Variants in XRCC4 observed in about 807,000 individuals in gnomAD.
The protein encoded by XRCC4 is X-ray repair cross complementing 4.
Under a neutral mutation model 39.1 loss-of-function variants are expected in XRCC4, and 28 were observed. That is an observed-to-expected ratio of 0.72 (90% CI 0.53 to 0.98). XRCC4 has a LOEUF of 0.98. Among genes scored for constraint, XRCC4 ranks in the 50% least tolerant of loss-of-function variants. The pLI, the probability that XRCC4 is intolerant of heterozygous loss-of-function variation, is 0.00. For synonymous variants in XRCC4, 123 were observed against 126.4 expected (o/e 0.97, Z 0.18); for missense variants, 350 against 376.4 (o/e 0.93, Z 0.58).
intron 3 of XRCC4, among the ~76,000 whole-genome samples, chr5:83,171,614 A>G (rs1299862332): frequency 6.6e-6 from 1 of 152,144 alleles, no homozygotes; most frequent in Non-Finnish European, 1.5e-5. Flanking sequence ...TGCTCTCTGT[A>G]TTTTGCCATT....
intron 6 of XRCC4, among the ~76,000 whole-genome samples, chr5:83,247,180 A>T (rs1205260038): frequency 1.3e-5 from 2 of 152,222 alleles, no homozygotes; most frequent in Admixed American, 6.5e-5. Flanking sequence ...ATGAACAAGT[A>T]TGCATAATTC....
chr5:83,331,437 C>A (rs988120958), intron 7 of XRCC4, among the ~76,000 whole-genome samples: 4 of 152,064 alleles, frequency 2.6e-5, no homozygotes, highest in Admixed American at 2.6e-4. Flanking sequence ...CTCTTACACA[C>A]TGCTAAAGGG....
At chr5:83,147,750 A>G (rs539459391) in intron 3 of XRCC4, among the ~76,000 whole-genome samples, 1 of 152,166 alleles carries the variant, frequency 6.6e-6, no homozygotes, top group African/African-American at 2.4e-5. Context: ...GCATATGTTA[A>G]TTAGCTCAAT....
chr5:83,170,516 G>A (rs145234682), intron 3 of XRCC4, among the ~76,000 whole-genome samples: 11 of 152,204 alleles, frequency 7.2e-5, no homozygotes, highest in African/African-American at 2.6e-4. Flanking sequence ...GTGGGGCTCC[G>A]GTTCTCTTCC....
chr5:83,275,217 C>T (rs1754282565), intron 7 of XRCC4, among the ~76,000 whole-genome samples: 1 of 151,644 alleles, frequency 6.6e-6, no homozygotes, highest in Non-Finnish European at 1.5e-5. Flanking sequence ...AATGGTGCAG[C>T]TTTCAGACAT....
chr5:83,245,729 T>G (rs1753075078), intron 6 of XRCC4, among the ~76,000 whole-genome samples: 1 of 152,102 alleles, frequency 6.6e-6, no homozygotes, highest in South Asian at 2.1e-4. Flanking sequence ...GGAAGACATT[T>G]GAAAATATCT....
At chr5:83,129,192 A>G (rs1747429603) in intron 3 of XRCC4, among the ~76,000 whole-genome samples, 1 of 143,782 alleles carries the variant, frequency 7.0e-6, no homozygotes, top group Admixed American at 6.8e-5. Flanking sequence ...CTTTCTACAT[A>G]TGGCTAGCCA....
At position 83,180,499 on chromosome 5, in the gene XRCC4, A is replaced by C. The variant is rs908584868; in HGVS notation, c.316-15271A>C. The stretch of plus-strand genomic sequence containing the variant: ...GGCCCCAAACTCTGTATCTACAGGG[A>C]GTTATCAAGTGTCTTTCTCCACTTT... On this transcript the variant is annotated intron_variant, in intron 3 of 7. Transcript: ENST00000396027. 1.2e-4 allele frequency among the ~76,000 whole-genome samples: 19 copies of C among 152,134 alleles called. 1 individual carries two copies. Among genetic ancestry groups the C allele is most frequent in the Non-Finnish European group, 1.5e-5 (1 of 68,032 alleles).
At chr5:83,126,506 T>C (rs1412226638) in intron 3 of XRCC4, among the ~76,000 whole-genome samples, 1 of 152,184 alleles carries the variant, frequency 6.6e-6, no homozygotes, top group Non-Finnish European at 1.5e-5. Flanking sequence ...TAAAGGCTGT[T>C]GCAGAGAGCT....
chr5:83,179,297 G>A (rs192092489), intron 3 of XRCC4, among the ~76,000 whole-genome samples: 1 of 152,264 alleles, frequency 6.6e-6, no homozygotes, highest in East Asian at 1.9e-4. Context: ...GCTATCTAGA[G>A]CAATGTTGAA....
chr5:83,229,492 A>T (rs573172866), intron 6 of XRCC4, among the ~76,000 whole-genome samples: 2 of 151,838 alleles, frequency 1.3e-5, no homozygotes, highest in South Asian at 2.1e-4. Flanking sequence ...TGTGAAGAAG[A>T]TGCTATCCAC....
intron 3 of XRCC4, among the ~76,000 whole-genome samples, chr5:83,132,300 G>T (rs1341673011): frequency 7.2e-5 from 11 of 151,968 alleles, no homozygotes; most frequent in Non-Finnish European, 1.3e-4. Context: ...CTTTCTATGT[G>T]GCTGCCCTTA....
chr5:83,090,589 G>A (rs1037370145), intron 1 of XRCC4, among the ~76,000 whole-genome samples: 2 of 152,148 alleles, frequency 1.3e-5, no homozygotes, highest in Non-Finnish European at 2.9e-5. Flanking sequence ...TGGTCTGGGT[G>A]CATGGGAGGA....
chr5:83,358,244 A>G (rs961045429), downstream of XRCC4, among the ~76,000 whole-genome samples: 5 of 152,178 alleles, frequency 3.3e-5, no homozygotes, highest in South Asian at 8.3e-4. Context: ...TGGTTGCTTC[A>G]TTAACTGACC....
At chr5:83,344,171 C>T (rs1483951041) in intron 7 of XRCC4, among the ~76,000 whole-genome samples, 1 of 149,894 alleles carries the variant, frequency 6.7e-6, no homozygotes. Flanking sequence ...CTTCGTTGTT[C>T]AAAGAGTAAT....
intron 6 of XRCC4, among the ~76,000 whole-genome samples, chr5:83,205,131 A>C (rs2112734163): frequency 6.6e-6 from 1 of 152,310 alleles, no homozygotes; most frequent in East Asian, 1.9e-4. Flanking sequence ...AGTGTGAGCA[A>C]GCATTCATAC....
chr5:83,257,736 A>G (rs1753597544), intron 6 of XRCC4, among the ~76,000 whole-genome samples: 3 of 152,182 alleles, frequency 2.0e-5, no homozygotes, highest in Admixed American at 2.0e-4. Context: ...ACATATGCAC[A>G]TGTATGTTTA....
rs527521742 is a variant in XRCC4, at chr5:83,093,006, A to T, written c.-10-11904A>T. 1.7e-4 allele frequency among the ~76,000 whole-genome samples: 20 copies of T among 115,454 alleles called. No individual in the cohort carries two copies. In the East Asian group the frequency reaches 4.2e-3, roughly 24 times the overall value. The allele number at this position is 115,454 out of a possible 152,430, so 75.7% of individuals were successfully genotyped here. Reference sequence around the variant, plus strand: ...ATTCTCCTATAAAAGACAAGGAGTAAATGAATGGACACACACACACACACA... The same window carrying T: ...ATTCTCCTATAAAAGACAAGGAGTATATGAATGGACACACACACACACACA... On this transcript the variant is annotated intron_variant, in intron 1 of 7. Transcript: ENST00000396027.
intron 1 of XRCC4, among the ~76,000 whole-genome samples, chr5:83,098,971 T>G (rs1020102569): frequency 5.3e-5 from 8 of 152,216 alleles, no homozygotes; most frequent in African/African-American, 1.9e-4. Flanking sequence ...TATATGTTCC[T>G]GTCTTTGAAT....
Sources: gnomAD v4.1 joint callset for allele counts (sites outside exome capture counted in the v4.1 genomes callset) on GRCh38, gnomAD v4.1.1 for gene constraint, MANE v1.5 for transcripts, NCBI Gene and HGNC (gene_info 2026-07-23, HGNC 2026-07-21) for gene names.